The following RUNX2 variants were observed in gnomAD, a reference collection of about 807,000 sequenced individuals.
The protein encoded by RUNX2 is runt-related transcription factor 2.
A neutral mutation model predicts 51.7 loss-of-function variants in RUNX2; 10 were observed. The observed-to-expected ratio is 0.19, with a 90% CI of 0.12 to 0.33. RUNX2 has a LOEUF of 0.33. RUNX2 is among the 10% of genes least tolerant of loss of function. The pLI is 1.00. For missense variants in RUNX2, 562 were observed against 691.3 expected (o/e 0.81, Z 2.10); for synonymous variants, 276 against 273.6 (o/e 1.01, Z -0.09).
Position 45,340,338 on chromosome 6 carries a change from C to T in RUNX2, c.58+11554C>T, listed in dbSNP as rs182123044. Among the ~76,000 whole-genome samples the T allele has an allele frequency of 1.6e-3, 240 of 152,038 alleles. 2 individuals are homozygous for T. Among genetic ancestry groups the T allele is most frequent in the African/African-American group, 5.4e-3 (223 of 41,492 alleles). On this transcript the variant is annotated intron_variant, in intron 2 of 8. Transcript: ENST00000647337. ...GTGAGGTTTGTTAAGCCCCCTTCCCCCTCAAGACAAGGTCTCACTCTGTCA... is the reference window on the plus strand; with the variant it reads ...GTGAGGTTTGTTAAGCCCCCTTCCCTCTCAAGACAAGGTCTCACTCTGTCA...
intron 7 of RUNX2, among the ~76,000 whole-genome samples, chr6:45,517,518 G>T (rs1801369270): frequency 6.6e-6 from 1 of 151,982 alleles, no homozygotes; most frequent in Non-Finnish European, 1.5e-5. Flanking sequence ...TGCATTTATG[G>T]GGTTTTTGTT....
At chr6:45,387,236 A>G (rs981838752) in intron 2 of RUNX2, among the ~76,000 whole-genome samples, 2 of 152,212 alleles carry the variant, frequency 1.3e-5, no homozygotes, top group Non-Finnish European at 1.5e-5. Flanking sequence ...AGTTTTGGAC[A>G]TATGTTTGAG....
intron 2 of RUNX2, among the ~76,000 whole-genome samples, chr6:45,415,798 G>T (rs1285162495): frequency 6.6e-6 from 1 of 152,038 alleles, no homozygotes; most frequent in East Asian, 1.9e-4. Context: ...AATATTTAAT[G>T]GATCCGGATT....
intron 2 of RUNX2, among the ~76,000 whole-genome samples, chr6:45,373,148 C>T (rs542240997): frequency 1.5e-3 from 228 of 152,112 alleles, no homozygotes; most frequent in African/African-American, 5.3e-3. Context: ...GACCAGGTCT[C>T]ACTATATTGC....
In RUNX2 at chr6:45,491,949, C is replaced by G. The variant is rs1405556189; in HGVS notation, c.694C>G (p.Gln232Glu). Residue 232 changes from glutamine to glutamate, a missense_variant, in exon 6 of 9, where the codon CAG (glutamine) becomes GAG (glutamate). This residue lies in a region of RUNX2 where 37 missense variants were observed against 66.5 expected (regional missense o/e 0.56). Coordinates refer to ENST00000647337, the MANE Select transcript of RUNX2 (RefSeq NM_001024630.4). ...TGATTTGCTATTTCCAGGGCACAGA[C>G]AGAAGCTTGATGACTCTAAACCTAG... ...DGPREPRRHR[Q>E]KLDDSKPSLF... 6.2e-7 allele frequency: 1 copy of G among 1,613,862 alleles called. No homozygotes were observed. Among genetic ancestry groups the G allele is most frequent in the Non-Finnish European group, 8.5e-7 (1 of 1,179,826 alleles).
chr6:45,482,255 G>C (rs1194389671), intron 5 of RUNX2, among the ~76,000 whole-genome samples: 1 of 151,984 alleles, frequency 6.6e-6, no homozygotes, highest in Non-Finnish European at 1.5e-5. Context: ...TTTTTCTTCA[G>C]ACGTCTCAAG....
chr6:45,373,008 T>C lies in RUNX2; in HGVS notation c.58+44224T>C, dbSNP rs6930090. On this transcript the variant is annotated intron_variant, in intron 2 of 8. Coordinates refer to ENST00000647337, the MANE Select transcript of RUNX2 (RefSeq NM_001024630.4). Reference sequence around the variant, plus strand: ...ATTTTTAGTAGACAGAGTTTCACCATGTTGGCCAGGCTGGTCTCAAACTCC... The same window carrying C: ...ATTTTTAGTAGACAGAGTTTCACCACGTTGGCCAGGCTGGTCTCAAACTCC... Among the ~76,000 whole-genome samples the C allele has an allele frequency of 3.9e-3, 594 of 152,270 alleles. 7 individuals are homozygous for C. Among genetic ancestry groups the C allele is most frequent in the African/African-American group, 0.014 (566 of 41,544 alleles).
Position 45,550,177 on chromosome 6 carries a change from C to T in RUNX2, c.*2872C>T, listed in dbSNP as rs957193221. 2 of 152,570 alleles carry T rather than the reference C, an allele frequency of 1.3e-5. No individual in the cohort carries two copies. The highest frequency in any genetic ancestry group is 2.9e-5 in the Non-Finnish European group (2 of 68,026). 9.5% of individuals were successfully genotyped at this position (152,570 alleles called of 1,614,324 possible). A position where few individuals can be genotyped will look rare whatever the true frequency, so the allele number is the denominator to read the frequency against. On this transcript the variant is annotated 3_prime_UTR_variant, in exon 9 of 9. Transcript: ENST00000647337. ...ACATTGCTGGAATTTGCAGTCTTTT[C>T]AATGCAGCCACATTTTTATCCATTT...
At chr6:45,482,215 T>C (rs1800138000) in intron 5 of RUNX2, among the ~76,000 whole-genome samples, 1 of 152,258 alleles carries the variant, frequency 6.6e-6, no homozygotes, top group Admixed American at 6.5e-5. Context: ...TTTTTAATCC[T>C]TTTTTGCTTC....
intron 5 of RUNX2, among the ~76,000 whole-genome samples, chr6:45,438,910 A>G (rs760236706): frequency 6.6e-5 from 10 of 152,188 alleles, no homozygotes; most frequent in Non-Finnish European, 1.5e-4. Flanking sequence ...GCCTTTGCTG[A>G]GTGAATACAT....
chr6:45,545,435 A>T (rs959988268), intron 8 of RUNX2, among the ~76,000 whole-genome samples, 153 bp downstream of exon 8: 1 of 152,218 alleles, frequency 6.6e-6, no homozygotes, highest in African/African-American at 2.4e-5. Flanking sequence ...TAACCCTTGC[A>T]TTTTGTGAAG....
chr6:45,478,138 G>A (rs966529107), intron 5 of RUNX2, among the ~76,000 whole-genome samples: 11 of 152,114 alleles, frequency 7.2e-5, no homozygotes, highest in African/African-American at 2.7e-4. Flanking sequence ...GCTCTTGAAA[G>A]TCAAGTATTT....
In RUNX2 at chr6:45,527,430, C is replaced by G. The variant is rs192056443; in HGVS notation, c.1021+15023C>G. On this transcript the variant is annotated intron_variant, in intron 7 of 8. Transcript: ENST00000647337. Reference sequence around the variant, plus strand: ...GTAGGGAGGAGGTTAGGAGGCTTGGCAGTCACCCTAGTGAGAGGACAGTGG... The same window carrying G: ...GTAGGGAGGAGGTTAGGAGGCTTGGGAGTCACCCTAGTGAGAGGACAGTGG... Among the ~76,000 whole-genome samples, 4 of 152,284 alleles carry G rather than the reference C, an allele frequency of 2.6e-5. No individual in the cohort carries two copies. The East Asian group carries it at 7.7e-4, about 29-fold the overall frequency.
intron 5 of RUNX2, among the ~76,000 whole-genome samples, chr6:45,475,987 A>C (rs917931430): frequency 2.0e-5 from 3 of 152,242 alleles, no homozygotes; most frequent in Non-Finnish European, 2.9e-5. Context: ...TAAGAGGTCC[A>C]AAAATCTTCA....
chr6:45,341,435 G>C (rs868017163), intron 2 of RUNX2, among the ~76,000 whole-genome samples: 13 of 152,214 alleles, frequency 8.5e-5, no homozygotes, highest in Middle Eastern at 3.4e-3. Flanking sequence ...ATATTTTAAT[G>C]AGCAAACTAA....
At chr6:45,507,691 C>A (rs908680679) in intron 6 of RUNX2, among the ~76,000 whole-genome samples, 1 of 151,898 alleles carries the variant, frequency 6.6e-6, no homozygotes, top group Non-Finnish European at 1.5e-5. Flanking sequence ...GGGAAGAAAC[C>A]AAAACTTAAG....
intron 3 of RUNX2, among the ~76,000 whole-genome samples, chr6:45,430,162 G>T (rs1798502642): frequency 6.6e-6 from 1 of 152,026 alleles, no homozygotes; most frequent in Non-Finnish European, 1.5e-5. Context: ...GTTGATAAGT[G>T]GTGAACAAGA....
At chr6:45,410,085 A>T (rs1797917419) in intron 2 of RUNX2, among the ~76,000 whole-genome samples, 1 of 152,222 alleles carries the variant, frequency 6.6e-6, no homozygotes. Flanking sequence ...CTATACTCAT[A>T]GTTCTGTAGT....
chr6:45,475,277 T>A (rs1799925924), intron 5 of RUNX2, among the ~76,000 whole-genome samples: 1 of 152,106 alleles, frequency 6.6e-6, no homozygotes, highest in Admixed American at 6.6e-5. Context: ...CATTTTTACT[T>A]CTATTTGAGG....
Sources: allele counts gnomAD v4.1 joint callset (sites outside exome capture counted in the v4.1 genomes callset), GRCh38; gene constraint gnomAD v4.1.1; regional missense constraint gnomAD v4.1.1; transcripts MANE v1.5; gene names NCBI Gene and HGNC (gene_info 2026-07-23, HGNC 2026-07-21).